ANKRD26: variants seen among roughly 807,000 people sequenced by gnomAD.
The protein encoded by ANKRD26 is ankyrin repeat domain-containing protein 26.
In ANKRD26, 141 loss-of-function variants were observed where a neutral mutation model predicts 208.7. That is an observed-to-expected ratio of 0.68 (90% CI 0.59 to 0.78). The LOEUF is 0.78. Among genes scored for constraint, ANKRD26 ranks in the 30% least tolerant of loss-of-function variants. The pLI is 0.00. For missense variants in ANKRD26, 1,889 were observed against 1,938.7 expected (o/e 0.97, Z 0.48); for synonymous variants, 636 against 660.4 (o/e 0.96, Z 0.57).
At chr10:26,960,034 C>T in the ANKRD26 span, among the ~76,000 whole-genome samples, 116 of 152,096 alleles carry the variant, frequency 7.6e-4, no homozygotes, top group African/African-American at 2.4e-3. Flanking sequence ...TGGAAGCACA[C>T]GCCTGTGGTT....
chr10:27,017,682 C>A lies in ANKRD26; in HGVS notation c.4326G>T (p.Lys1442Asn). The A allele has an allele frequency of 1.2e-6, 2 of 1,613,348 alleles. No individual in the cohort carries two copies. Among genetic ancestry groups the A allele is most frequent in the Admixed American group, 1.7e-5 (1 of 59,948 alleles). Residue 1442 changes from lysine to asparagine, a missense_variant, in exon 30 of 34, where the codon AAG becomes AAT. Physicochemically the swap from Lys to Asn is moderately conservative, Grantham distance 94 (BLOSUM62 0). This residue lies in a region of ANKRD26 where 613 missense variants were observed against 648.2 expected (regional missense o/e 0.95). Coordinates refer to ENST00000376087, the MANE Select transcript of ANKRD26 (RefSeq NM_014915.3). ...TATTCTTCTGTAGTTTTTCACATTT[C>A]TTTTGTACTGTTTTCATAGATAACA... ...EELLSMKTVQ[K>N]KCEKLQKNKK...
chr10:27,022,233 G>A (rs1426240487), intron 29 of ANKRD26, among the ~76,000 whole-genome samples: 5 of 152,102 alleles, frequency 3.3e-5, no homozygotes, highest in South Asian at 2.1e-4. Context: ...AGGGACACAC[G>A]GAGGGGAACA....
At chr10:27,001,178 C>CA (rs762349154), downstream of ANKRD26, among the ~76,000 whole-genome samples, 27 of 152,250 alleles carry the variant, frequency 1.8e-4, no homozygotes, top group Admixed American at 5.9e-4. Context: ...TCTTCCTGAA[C>CA]ATTTCGGTTC....
intron 5 of ANKRD26, among the ~76,000 whole-genome samples, chr10:26,992,625 C>T (rs78582011): frequency 8.9e-4 from 135 of 152,210 alleles, no homozygotes; most frequent in African/African-American, 3.2e-3. Flanking sequence ...ACAACTATTA[C>T]TCTAGCCTTT....
intron 32 of ANKRD26, among the ~76,000 whole-genome samples, chr10:27,009,247 C>G (rs2053006632): frequency 6.6e-6 from 1 of 152,118 alleles, no homozygotes; most frequent in African/African-American, 2.4e-5. Context: ...AGACCCAGAA[C>G]CCAGGAGGGA....
At chr10:26,988,536 C>T (rs764385912), downstream of ANKRD26, among the ~76,000 whole-genome samples, 1 of 152,090 alleles carries the variant, frequency 6.6e-6, no homozygotes, top group South Asian at 2.1e-4. Context: ...TTCCACGCAC[C>T]TTTGAGGCAT....
Position 27,100,429 on chromosome 10 carries a change from C to CA in ANKRD26, c.-104dup, listed in dbSNP as rs1251026098. The CA allele has an allele frequency of 3.3e-6, 5 of 1,519,692 alleles. No individual in the cohort carries two copies. Among genetic ancestry groups the CA allele is most frequent in the Non-Finnish European group, 4.4e-6 (5 of 1,136,058 alleles). The allele number at this position is 1,519,692 out of a possible 1,614,324, so 94.1% of individuals were successfully genotyped here. A position where few individuals can be genotyped will look rare whatever the true frequency, so the allele number is the denominator to read the frequency against. Reference sequence around the variant, plus strand: ...TCAGCCCCGGCTGGCCGCAGCCTCCCAAAGGAAACTCCGCGGTTTCCAATC... The same window carrying CA: ...TCAGCCCCGGCTGGCCGCAGCCTCCCAAAAGGAAACTCCGCGGTTTCCAATC... On this transcript the variant is annotated 5_prime_UTR_variant, in exon 1 of 34. Coordinates refer to ENST00000376087, the MANE Select transcript of ANKRD26 (RefSeq NM_014915.3).
chr10:26,960,973 C>T, the ANKRD26 span, among the ~76,000 whole-genome samples: 3 of 152,094 alleles, frequency 2.0e-5, no homozygotes. Context: ...AATCCCAGCC[C>T]TTTGGGAGGC....
intron 30 of ANKRD26, among the ~76,000 whole-genome samples, chr10:27,016,985 C>T (rs757722455): frequency 5.3e-5 from 8 of 152,126 alleles, no homozygotes; most frequent in East Asian, 3.9e-4. Flanking sequence ...GCCAAGAGTT[C>T]GAGACCAGCC....
Position 27,005,638 on chromosome 10 carries a change from T to C in ANKRD26, c.5085A>G (p.Lys1695=), listed in dbSNP as rs749148342. Residue 1695 remains lysine (K), a synonymous_variant, in exon 34 of 34, where the codon AAA becomes AAG. Coordinates refer to ENST00000376087, the MANE Select transcript of ANKRD26 (RefSeq NM_014915.3). ...ESNLNQDLVW[K]ASREYVQVLK... is the part of the protein sequence containing the mutation. ...AAACCTGTACATATTCTCTTGATGC[T>C]TTCCAAACTAGATCTTGATTTAGAT... The C allele has an allele frequency of 1.1e-5, 17 of 1,613,038 alleles. No individual in the cohort carries two copies. In the African/African-American group the frequency reaches 2.1e-4, roughly 20 times the overall value.
At chr10:27,018,759 A>C (rs1454913603) in intron 29 of ANKRD26, among the ~76,000 whole-genome samples, 1 of 152,200 alleles carries the variant, frequency 6.6e-6, no homozygotes, top group African/African-American at 2.4e-5. Context: ...TTGAATAAAT[A>C]GTGCTGGGAA....
intron 29 of ANKRD26, among the ~76,000 whole-genome samples, chr10:27,022,274 GGT>G (rs1194219659): frequency 1.3e-5 from 2 of 152,088 alleles, no homozygotes; most frequent in Non-Finnish European, 2.9e-5. Flanking sequence ...GAGGATGGAG[GGT>G]GAGAGAAGGG....
chr10:27,091,753 C>A (rs376747547), intron 4 of ANKRD26, among the ~76,000 whole-genome samples: 1 of 152,138 alleles, frequency 6.6e-6, no homozygotes, highest in East Asian at 1.9e-4. Flanking sequence ...CTTTGGAAGG[C>A]CAAGGCGGGT....
the ANKRD26 span, among the ~76,000 whole-genome samples, chr10:26,948,016 A>G: frequency 6.6e-6 from 1 of 152,060 alleles, no homozygotes; most frequent in African/African-American, 2.4e-5. Context: ...ATCTCGGCTC[A>G]CTGCGTCCTC....
chr10:26,972,671 A>T (rs1349163942), downstream of ANKRD26, among the ~76,000 whole-genome samples: 2 of 150,542 alleles, frequency 1.3e-5, no homozygotes, highest in Non-Finnish European at 1.5e-5. Context: ...GCTCACTGCA[A>T]GTTCCGCCTC....
At chr10:26,958,089 A>ATATATATT in the ANKRD26 span, among the ~76,000 whole-genome samples, 9 of 149,926 alleles carry the variant, frequency 6.0e-5, no homozygotes, top group African/African-American at 2.2e-4. Context: ...ATATATATAT[A>ATATATATT]TATTTATTTT....
chr10:27,072,939 G>A (rs752276772), intron 9 of ANKRD26, among the ~76,000 whole-genome samples: 3 of 152,130 alleles, frequency 2.0e-5, no homozygotes, highest in East Asian at 1.9e-4. Flanking sequence ...TGGGAGACTC[G>A]AGGACAGGTC....
chr10:27,023,058 G>A (rs542535855), intron 28 of ANKRD26, among the ~76,000 whole-genome samples: 1 of 152,322 alleles, frequency 6.6e-6, no homozygotes, highest in South Asian at 2.1e-4. Context: ...GGCTGGACCA[G>A]TGGCTCATGC....
chr10:27,009,548 G>A (rs1357990965), intron 32 of ANKRD26, among the ~76,000 whole-genome samples: 1 of 152,130 alleles, frequency 6.6e-6, no homozygotes, highest in Non-Finnish European at 1.5e-5. Flanking sequence ...AGAGAAAAAT[G>A]TCTTGGTGAC....
Sources: gnomAD v4.1 joint callset for allele counts (sites outside exome capture counted in the v4.1 genomes callset) on GRCh38, gnomAD v4.1.1 for gene constraint, gnomAD v4.1.1 regional missense constraint, MANE v1.5 for transcripts, NCBI Gene and HGNC (gene_info 2026-07-23, HGNC 2026-07-21) for gene names.